MEGF11: variants seen among roughly 807,000 people sequenced by gnomAD.
MEGF11 encodes multiple epidermal growth factor-like domains protein 11.
Under a neutral mutation model 146.6 loss-of-function variants are expected in MEGF11, and 126 were observed. The observed-to-expected ratio is 0.86, with a 90% confidence interval of 0.74 to 1.00. MEGF11 has a LOEUF of 1.00. Ranked by LOEUF, MEGF11 falls within the 50% of genes least tolerant of loss-of-function variation. MEGF11 has a pLI of 0.00. For synonymous variants in MEGF11, 532 were observed against 583.4 expected, an observed-to-expected ratio of 0.91 and a Z score of 1.27; for missense variants, 1,509 against 1,521.2, an observed-to-expected ratio of 0.99 and a Z score of 0.13.
At chr15:66,141,686 G>A (rs1473182025) in intron 1 of MEGF11, among the ~76,000 whole-genome samples, 2 of 152,098 alleles carry the variant, frequency 1.3e-5, no homozygotes, top group Admixed American at 1.3e-4. Flanking sequence ...CCTGAACCTG[G>A]CTGAGAAGGA....
intron 5 of MEGF11, among the ~76,000 whole-genome samples, chr15:66,054,937 C>T (rs1214720355): frequency 6.6e-6 from 1 of 152,162 alleles, no homozygotes; most frequent in Admixed American, 6.5e-5. Context: ...TATATGTCTA[C>T]ATCTCAAGAT....
intron 5 of MEGF11, among the ~76,000 whole-genome samples, chr15:66,024,529 A>G (rs1400768159): frequency 2.6e-5 from 4 of 152,228 alleles, no homozygotes; most frequent in Non-Finnish European, 5.9e-5. Context: ...GTAATAACAC[A>G]TTGACTGTGT....
At chr15:66,133,577 C>T (rs2088753776) in intron 1 of MEGF11, among the ~76,000 whole-genome samples, 1 of 152,146 alleles carries the variant, frequency 6.6e-6, no homozygotes, top group South Asian at 2.1e-4. Context: ...CTTCCTCTGC[C>T]CTGGCTCTCT....
intron 1 of MEGF11, among the ~76,000 whole-genome samples, chr15:66,249,055 A>T (rs1056990763): frequency 1.3e-5 from 2 of 152,234 alleles, no homozygotes; most frequent in African/African-American, 4.8e-5. Flanking sequence ...AGGCCAGCCA[A>T]GTTGAAACAC....
chr15:66,248,316 A>G (rs1285765448), intron 1 of MEGF11, among the ~76,000 whole-genome samples: 3 of 152,232 alleles, frequency 2.0e-5, no homozygotes, highest in East Asian at 3.8e-4. Flanking sequence ...GGGAGATACT[A>G]AATTCCTTAT....
chr15:66,245,451 G>C (rs2092281351), intron 1 of MEGF11, among the ~76,000 whole-genome samples: 1 of 139,504 alleles, frequency 7.2e-6, no homozygotes, highest in Non-Finnish European at 1.5e-5. Flanking sequence ...AATATAGCAA[G>C]ACCCATCTCT....
In MEGF11 at chr15:65,974,632, G is replaced by A. The variant is rs548067297; in HGVS notation, c.763-3943C>T. Among the ~76,000 whole-genome samples, 18 of 152,286 alleles carry A rather than the reference G, an allele frequency of 1.2e-4. No individual in the cohort carries two copies. The East Asian group carries it at 3.5e-3, about 29-fold the overall frequency. On this transcript the variant is annotated intron_variant, in intron 7 of 25. Transcript: ENST00000395614. ...ATTGTGCCACTGCACTCCAGCCTGG[G>A]CAACACAGTGAGACTCCATCTCAAA...
At chr15:66,003,981 A>G (rs2082443643) in intron 5 of MEGF11, among the ~76,000 whole-genome samples, 2 of 152,204 alleles carry the variant, frequency 1.3e-5, no homozygotes, top group African/African-American at 4.8e-5. Context: ...CCATGACTCA[A>G]ATTTCTCATA....
At chr15:66,003,140 C>T (rs1183824509) in intron 5 of MEGF11, among the ~76,000 whole-genome samples, 2 of 152,008 alleles carry the variant, frequency 1.3e-5, no homozygotes, top group Non-Finnish European at 2.9e-5. Context: ...ATTACAGGTG[C>T]GCACCACCAC....
chr15:66,193,868 G>T (rs1365467372), intron 1 of MEGF11, among the ~76,000 whole-genome samples: 1 of 152,046 alleles, frequency 6.6e-6, no homozygotes, highest in African/African-American at 2.4e-5. Flanking sequence ...TTTAGGGTCT[G>T]CACCTACTTT....
chr15:66,133,740 G>A (rs1368323962), intron 1 of MEGF11, among the ~76,000 whole-genome samples: 1 of 152,074 alleles, frequency 6.6e-6, no homozygotes, highest in African/African-American at 2.4e-5. Flanking sequence ...AATCCCACCA[G>A]GGGTTGGGTT....
intron 15 of MEGF11, chr15:65,922,060 C>A: frequency 2.2e-6 from 1 of 463,074 alleles, no homozygotes; most frequent in South Asian, 2.4e-5. Context: ...ACTTTTCATC[C>A]CTTCAGCATG....
rs868497045 is a variant in MEGF11 at position 66,253,723 on chromosome 15, C to A, written c.-127G>T. The A allele has an allele frequency of 6.6e-6, 1 of 152,172 alleles. No individual in the cohort carries two copies. The highest frequency in any genetic ancestry group is 1.5e-5 in the Non-Finnish European group (1 of 68,236). The allele number at this position is 152,172 out of a possible 1,614,324, so 9.4% of individuals were successfully genotyped here. Reference sequence around the variant, plus strand: ...GGGCCGCGAGCAGCCGGGAGCCGGGCGGCGGGCAGCGGGCACCGGGAGCGA... The same window carrying A: ...GGGCCGCGAGCAGCCGGGAGCCGGGAGGCGGGCAGCGGGCACCGGGAGCGA... On this transcript the variant is annotated 5_prime_UTR_variant, in exon 1 of 26. Coordinates refer to ENST00000395614, the MANE Select transcript of MEGF11 (RefSeq NM_001385028.1).
At chr15:65,914,952 G>A (rs967957447) in intron 19 of MEGF11, among the ~76,000 whole-genome samples, 2 of 152,170 alleles carry the variant, frequency 1.3e-5, no homozygotes, top group African/African-American at 4.8e-5. Context: ...TCTCACAACT[G>A]GACCCTGGGA....
intron 1 of MEGF11, among the ~76,000 whole-genome samples, chr15:66,244,025 C>T (rs2140247403): frequency 6.6e-6 from 1 of 152,320 alleles, no homozygotes; most frequent in South Asian, 2.1e-4. Context: ...CGGGGTGTGA[C>T]TTGGGCCAAG....
At chr15:66,190,881 C>T (rs2090851234) in intron 1 of MEGF11, among the ~76,000 whole-genome samples, 1 of 152,170 alleles carries the variant, frequency 6.6e-6, no homozygotes, top group African/African-American at 2.4e-5. Flanking sequence ...AAAAAAGACC[C>T]CAACTCCAAG....
At chr15:65,900,639 T>C (rs2078473460) in intron 24 of MEGF11, among the ~76,000 whole-genome samples, 1 of 152,248 alleles carries the variant, frequency 6.6e-6, no homozygotes, top group South Asian at 2.1e-4. Flanking sequence ...CTCTCATTGC[T>C]TATTGAGGAA....
chr15:66,079,297 G>C (rs1163245149), intron 5 of MEGF11, among the ~76,000 whole-genome samples: 1 of 152,184 alleles, frequency 6.6e-6, no homozygotes, highest in Non-Finnish European at 1.5e-5. Context: ...TTCCTGGTGG[G>C]CATCTGTTGT....
At chr15:66,120,365 G>A (rs1198423658) in intron 3 of MEGF11, among the ~76,000 whole-genome samples, 1 of 152,190 alleles carries the variant, frequency 6.6e-6, no homozygotes, top group Non-Finnish European at 1.5e-5. Context: ...AGTGGAACTT[G>A]GACCCAACCC....
Sources: gnomAD v4.1 joint callset for allele counts (sites outside exome capture counted in the v4.1 genomes callset) on GRCh38, gnomAD v4.1.1 for gene constraint, MANE v1.5 for transcripts, NCBI Gene and HGNC (gene_info 2026-07-23, HGNC 2026-07-21) for gene names.